Variants in CACHD1 observed in about 807,000 individuals in gnomAD.
The protein encoded by CACHD1 is cache domain containing 1.
In CACHD1, 71 loss-of-function variants were observed where a neutral mutation model predicts 138.7. That is an observed-to-expected ratio of 0.51 (90% confidence interval 0.42 to 0.62). The LOEUF is 0.62. Among genes scored for constraint, CACHD1 ranks in the 20% least tolerant of loss-of-function variants. The probability of loss-of-function intolerance (pLI) is 0.00; values close to 1 mark genes in which losing one functional copy is unlikely to be tolerated. For synonymous variants in CACHD1, 578 were observed against 591.5 expected (o/e 0.98, Z 0.33); for missense variants, 1,389 against 1,625.3 (o/e 0.85, Z 2.50).
At chr1:64,497,263 C>T (rs1353076026) in intron 1 of CACHD1, among the ~76,000 whole-genome samples, 2 of 152,092 alleles carry the variant, frequency 1.3e-5, no homozygotes, top group Non-Finnish European at 2.9e-5. Context: ...AGTCACTCGG[C>T]TAACATTTTT....
At chr1:64,622,388 C>G (rs143518245) in intron 4 of CACHD1, among the ~76,000 whole-genome samples, 4 of 152,156 alleles carry the variant, frequency 2.6e-5, no homozygotes, top group Non-Finnish European at 5.9e-5. Context: ...CAGCTTTAGC[C>G]GTTCAGCAGT....
intron 2 of CACHD1, among the ~76,000 whole-genome samples, chr1:64,558,708 G>A (rs1646816926): frequency 6.6e-6 from 1 of 152,124 alleles, no homozygotes. Context: ...AGAGTAAATA[G>A]GCAACCTACA....
intron 8 of CACHD1, among the ~76,000 whole-genome samples, chr1:64,647,298 A>T (rs1202186107): frequency 6.6e-6 from 1 of 152,232 alleles, no homozygotes; most frequent in African/African-American, 2.4e-5. Context: ...AGTAAATGCA[A>T]TCCATAATTC....
chr1:64,643,141 A>C (rs1201754074), intron 8 of CACHD1, among the ~76,000 whole-genome samples: 1 of 149,264 alleles, frequency 6.7e-6, no homozygotes, highest in East Asian at 2.0e-4. Flanking sequence ...TGAAATTTCC[A>C]TGCAGAACCA....
chr1:64,502,055 G>A (rs1455875491), intron 1 of CACHD1, among the ~76,000 whole-genome samples: 1 of 152,178 alleles, frequency 6.6e-6, no homozygotes, highest in African/African-American at 2.4e-5. Flanking sequence ...AATATTTAAG[G>A]TTAATTGTTT....
chr1:64,555,216 T>C lies in CACHD1; in HGVS notation c.261+4560T>C, dbSNP rs1459954740. Among the ~76,000 whole-genome samples the C allele has an allele frequency of 4.6e-5, 7 of 152,110 alleles. 1 individual carries two copies. Among genetic ancestry groups the C allele is most frequent in the Non-Finnish European group, 1.0e-4 (7 of 68,018 alleles). ...GTTGCCCAGGCTGGTCTTGAACTCC[T>C]GAGCTCAAGCAATCCACCATCCTTG... is the stretch of plus-strand genomic sequence containing the variant. On this transcript the variant is annotated intron_variant, in intron 2 of 26. Coordinates refer to ENST00000651257, the MANE Select transcript of CACHD1 (RefSeq NM_020925.4).
chr1:64,677,515 C>G (rs1650037478), intron 22 of CACHD1, among the ~76,000 whole-genome samples: 1 of 152,246 alleles, frequency 6.6e-6, no homozygotes, highest in East Asian at 1.9e-4. Flanking sequence ...TGGTTTTTAG[C>G]TTATTGTAGC....
intron 4 of CACHD1, among the ~76,000 whole-genome samples, chr1:64,621,086 T>C (rs1254045391): frequency 6.6e-6 from 1 of 152,190 alleles, no homozygotes; most frequent in Non-Finnish European, 1.5e-5. Context: ...AAAGATTTTA[T>C]GGTTGCTCTG....
At chr1:64,582,055 A>G in intron 2 of CACHD1, 101 bp from the exon 3 acceptor site, 2 of 1,305,986 alleles carry the variant, frequency 1.5e-6, no homozygotes, top group South Asian at 1.5e-5. Flanking sequence ...TTGAATTTTA[A>G]TATATGCAGC....
At chr1:64,563,069 ACTCAG>A (rs1340213258) in intron 2 of CACHD1, among the ~76,000 whole-genome samples, 5 of 152,066 alleles carry the variant, frequency 3.3e-5, no homozygotes, top group African/African-American at 1.2e-4. Context: ...ACTGCTCAAA[ACTCAG>A]CTCAGTTTAT....
intron 17 of CACHD1, 76 bp downstream of exon 17, chr1:64,671,762 G>A (rs1177106246): frequency 1.9e-6 from 3 of 1,549,636 alleles, no homozygotes; most frequent in Non-Finnish European, 2.7e-6. Context: ...AGTTGAATGG[G>A]AACCGCATAG....
At chr1:64,631,144 G>A (rs1359931374) in intron 5 of CACHD1, among the ~76,000 whole-genome samples, 8 of 152,278 alleles carry the variant, frequency 5.3e-5, no homozygotes, top group African/African-American at 9.6e-5. Flanking sequence ...CTAAAGCAGC[G>A]TTTAACAACT....
intron 4 of CACHD1, among the ~76,000 whole-genome samples, chr1:64,605,649 G>A (rs192134364): frequency 6.6e-6 from 1 of 152,232 alleles, no homozygotes; most frequent in Non-Finnish European, 1.5e-5. Flanking sequence ...CTGAGTGGGG[G>A]GTGTGCTCAC....
intron 26 of CACHD1, among the ~76,000 whole-genome samples, chr1:64,687,122 A>G (rs1296337931): frequency 6.6e-6 from 1 of 152,212 alleles, no homozygotes. Flanking sequence ...TTTGCTACAT[A>G]AGCCTTTGGA....
At chr1:64,678,031 CT>C in intron 22 of CACHD1, 127 bp from the exon 23 acceptor site, 1 of 927,698 alleles carries the variant, frequency 1.1e-6, no homozygotes, top group South Asian at 1.9e-5. Flanking sequence ...GGAAAGGAAA[CT>C]AAAGCTCAAG....
intron 3 of CACHD1, among the ~76,000 whole-genome samples, chr1:64,587,874 T>A (rs1647063554): frequency 6.6e-6 from 1 of 152,218 alleles, no homozygotes; most frequent in South Asian, 2.1e-4. Flanking sequence ...CGGCCCTCAG[T>A]GTTTTAAAGG....
chr1:64,538,831 C>T (rs1479370172), intron 1 of CACHD1, among the ~76,000 whole-genome samples: 11 of 152,206 alleles, frequency 7.2e-5, no homozygotes, highest in African/African-American at 2.2e-4. Context: ...TAGCATATTT[C>T]GAAGTATTGA....
intron 3 of CACHD1, among the ~76,000 whole-genome samples, chr1:64,587,220 C>CG (rs555609868): frequency 2.6e-5 from 4 of 152,120 alleles, no homozygotes; most frequent in Non-Finnish European, 5.9e-5. Context: ...TAGAACTAGA[C>CG]AATGTTTTTA....
Position 64,681,246 on chromosome 1 carries a change from A to C in CACHD1, c.3407-12A>C, listed in dbSNP as rs1356699445. 1 of 1,606,886 alleles carries C rather than the reference A, an allele frequency of 6.2e-7. No homozygotes were observed. The highest frequency in any genetic ancestry group is 1.7e-5 in the Admixed American group (1 of 59,978). On this transcript the variant is annotated splice_polypyrimidine_tract_variant and intron_variant, in intron 24 of 26. Coordinates refer to ENST00000651257, the MANE Select transcript of CACHD1 (RefSeq NM_020925.4). ...TAAATAGTCATGTTTCTCTCTTTTTAATGATGGGTAGAAATGTCAGTGCGT... is the reference window on the plus strand; with the variant it reads ...TAAATAGTCATGTTTCTCTCTTTTTCATGATGGGTAGAAATGTCAGTGCGT...
Sources: gnomAD v4.1 joint callset for allele counts (sites outside exome capture counted in the v4.1 genomes callset) on GRCh38, gnomAD v4.1.1 for gene constraint, MANE v1.5 for transcripts, NCBI Gene and HGNC (gene_info 2026-07-23, HGNC 2026-07-21) for gene names.